The following RIMS2 variants were observed in gnomAD, a reference collection of about 807,000 sequenced individuals.
The protein encoded by RIMS2 is regulating synaptic membrane exocytosis 2, also known as regulating synaptic membrane exocytosis protein 2.
A neutral mutation model predicts 174.4 loss-of-function variants in RIMS2; 59 were observed. The ratio of observed to expected loss-of-function variants is 0.34; its 90% CI spans 0.27 to 0.42. The LOEUF is 0.42. Among genes scored for constraint, RIMS2 ranks in the 10% least tolerant of loss-of-function variants. RIMS2 has a pLI of 1.00. For synonymous variants in RIMS2, 606 were observed against 572.5 expected (o/e 1.06, Z -0.84); for missense variants, 1,620 against 1,666.3 (o/e 0.97, Z 0.48).
chr8:103,645,395 T>G (rs2096307235), intron 1 of RIMS2, among the ~76,000 whole-genome samples: 1 of 152,154 alleles, frequency 6.6e-6, no homozygotes. Flanking sequence ...CACAAATATG[T>G]CTAAGAATAT....
chr8:104,223,410 T>C, intron 19 of RIMS2: 1 of 1,273,922 alleles, frequency 7.8e-7, no homozygotes, highest in Non-Finnish European at 9.9e-7. Context: ...GAGCAGCCGC[T>C]CCGCCCGCCA....
chr8:103,979,163 G>A (rs927455957), intron 16 of RIMS2, among the ~76,000 whole-genome samples: 2 of 152,152 alleles, frequency 1.3e-5, no homozygotes, highest in African/African-American at 4.8e-5. Context: ...AGGATTGAAT[G>A]ACAATGAAAA....
At chr8:103,931,007 A>G (rs1334977216) in intron 11 of RIMS2, among the ~76,000 whole-genome samples, 1 of 152,144 alleles carries the variant, frequency 6.6e-6, no homozygotes, top group African/African-American at 2.4e-5. Context: ...AATTATTTGC[A>G]TGTTAATAAG....
At chr8:103,952,771 T>C (rs1189465256) in intron 14 of RIMS2, among the ~76,000 whole-genome samples, 1 of 152,120 alleles carries the variant, frequency 6.6e-6, no homozygotes, top group African/African-American at 2.4e-5. Context: ...GTTTGACGAA[T>C]TGACAGAAGT....
chr8:103,915,044 A>G (rs938649080), intron 6 of RIMS2, among the ~76,000 whole-genome samples: 1 of 152,102 alleles, frequency 6.6e-6, no homozygotes, highest in Non-Finnish European at 1.5e-5. Context: ...CATTAAGCAC[A>G]TTATCAGTGT....
chr8:104,051,325 G>A (rs1373672972), intron 19 of RIMS2, among the ~76,000 whole-genome samples: 1 of 151,874 alleles, frequency 6.6e-6, no homozygotes, highest in Non-Finnish European at 1.5e-5. Flanking sequence ...TCAAAATAAG[G>A]TAAGTTGACA....
At chr8:104,068,604 C>T in intron 19 of RIMS2, 1 of 1,499,064 alleles carries the variant, frequency 6.7e-7, no homozygotes, top group South Asian at 1.2e-5. Context: ...ACAAGATTAC[C>T]ATTCGAAGGC....
chr8:103,537,895 A>C (rs1018349255), intron 1 of RIMS2, among the ~76,000 whole-genome samples: 2 of 152,052 alleles, frequency 1.3e-5, no homozygotes, highest in African/African-American at 2.4e-5. Context: ...AATATACAGT[A>C]ATCCTGTGCC....
At chr8:103,996,698 G>A (rs2095122451) in intron 17 of RIMS2, among the ~76,000 whole-genome samples, 1 of 151,758 alleles carries the variant, frequency 6.6e-6, no homozygotes, top group African/African-American at 2.4e-5. Context: ...AAAGCCCTGA[G>A]TTTGAAACCC....
At chr8:103,785,371 G>C (rs2098434145) in intron 3 of RIMS2, among the ~76,000 whole-genome samples, 1 of 149,736 alleles carries the variant, frequency 6.7e-6, no homozygotes. Flanking sequence ...AATGCTTCCA[G>C]TTTTTGCCCA....
At chr8:103,756,998 TGTGTGTGTGTGTGA>T (rs1434965311) in intron 2 of RIMS2, among the ~76,000 whole-genome samples, 44 of 141,936 alleles carry the variant, frequency 3.1e-4, no homozygotes, top group Non-Finnish European at 4.5e-4. Flanking sequence ...TGTGTGTGTG[TGTGTGTGTGTGTGA>T]GAGAGAGAGA....
intron 19 of RIMS2, among the ~76,000 whole-genome samples, chr8:104,158,438 G>T (rs1336022025): frequency 1.3e-5 from 2 of 152,128 alleles, no homozygotes; most frequent in Non-Finnish European, 2.9e-5. Context: ...GGGTCAAGAG[G>T]TATTTCTAAT....
At chr8:103,811,875 CT>C (rs2098689904) in intron 3 of RIMS2, among the ~76,000 whole-genome samples, 3 of 152,260 alleles carry the variant, frequency 2.0e-5, no homozygotes, top group Admixed American at 2.0e-4. Flanking sequence ...AGCCCTTACA[CT>C]TCTGGCTTAG....
intron 2 of RIMS2, among the ~76,000 whole-genome samples, chr8:103,699,354 G>A (rs2097142661): frequency 6.6e-6 from 1 of 152,100 alleles, no homozygotes; most frequent in African/African-American, 2.4e-5. Flanking sequence ...GGCCTCCCGA[G>A]TAGCAGGAAC....
Position 103,973,857 on chromosome 8 carries a change from C to A in RIMS2, c.2771-1493C>A, listed in dbSNP as rs79674054. Among the ~76,000 whole-genome samples the A allele has an allele frequency of 9.4e-3, 1,430 of 152,302 alleles. 22 individuals carry two copies. Among genetic ancestry groups the A allele is most frequent in the African/African-American group, 0.034 (1,395 of 41,556 alleles). On this transcript the variant is annotated intron_variant, in intron 15 of 23. Coordinates refer to ENST00000504942, the Ensembl canonical transcript of RIMS2. ...CTCTTTACCAGCTGGTTTACTCATC[C>A]TCAGTTATGGGGAGTGTTGGTTGTT...
intron 17 of RIMS2, among the ~76,000 whole-genome samples, chr8:104,000,220 C>A (rs2095324184): frequency 6.6e-6 from 1 of 151,472 alleles, no homozygotes; most frequent in African/African-American, 2.4e-5. Flanking sequence ...CTATCCTTCC[C>A]AGTCTTTGGT....
intron 4 of RIMS2, among the ~76,000 whole-genome samples, chr8:103,900,083 C>G (rs1435363045): frequency 1.3e-5 from 2 of 151,708 alleles, no homozygotes; most frequent in African/African-American, 4.9e-5. Context: ...GTCTATATCT[C>G]TGTTTTGGTA....
chr8:103,580,825 CTTTTTT>C (rs61559970), intron 1 of RIMS2, among the ~76,000 whole-genome samples: 17,029 of 113,380 alleles, frequency 0.15, 1,097 homozygotes, highest in Non-Finnish European at 0.18. Flanking sequence ...AAAGGGAATA[CTTTTTT>C]TTTTTTTTTT....
chr8:104,249,842 C>G lies in RIMS2; in HGVS notation c.3691+254C>G, dbSNP rs1042335285. ...GAAACCACTGCAAAATAAAAACCACCCCACTTAGATCATTCATTTTGTCAC... is the reference window on the plus strand; with the variant it reads ...GAAACCACTGCAAAATAAAAACCACGCCACTTAGATCATTCATTTTGTCAC... On this transcript the variant is annotated intron_variant, in intron 22 of 23. Transcript: ENST00000504942. 7.2e-5 allele frequency among the ~76,000 whole-genome samples: 11 copies of G among 152,158 alleles called. No individual in the cohort carries two copies. In the East Asian group the frequency reaches 1.9e-3, roughly 27 times the overall value.
Sources: allele counts gnomAD v4.1 joint callset (sites outside exome capture counted in the v4.1 genomes callset), GRCh38; gene constraint gnomAD v4.1.1; transcripts MANE v1.5; gene names NCBI Gene and HGNC (gene_info 2026-07-23, HGNC 2026-07-21).